The following CCNT1 variants were observed in gnomAD, a reference collection of about 807,000 sequenced individuals.
CCNT1 encodes cyclin T1, also known as cyclin-T1.
Under a neutral mutation model 67.3 loss-of-function variants are expected in CCNT1, and 18 were observed. The observed-to-expected ratio is 0.27, with a 90% CI of 0.18 to 0.40. CCNT1 has a LOEUF of 0.40. Among genes scored for constraint, CCNT1 ranks in the 10% least tolerant of loss-of-function variants. The pLI, the probability that CCNT1 is intolerant of heterozygous loss-of-function variation, is 1.00. For synonymous variants in CCNT1, 333 were observed against 310.3 expected, an observed-to-expected ratio of 1.07 and a Z score of -0.77; for missense variants, 744 against 884.9, an observed-to-expected ratio of 0.84 and a Z score of 2.02.
chr12:48,712,822 C>T (rs955534662), intron 2 of CCNT1, among the ~76,000 whole-genome samples: 3 of 151,744 alleles, frequency 2.0e-5, no homozygotes, highest in African/African-American at 7.3e-5. Flanking sequence ...TGCATGTAAT[C>T]CCAGCTACTT....
chr12:48,694,290 A>C lies in CCNT1; in HGVS notation c.924T>G (p.Ser308Arg), dbSNP rs538696433. 1.2e-6 allele frequency: 2 copies of C among 1,614,228 alleles called. No homozygotes were observed. The highest frequency in any genetic ancestry group is 1.7e-6 in the Non-Finnish European group (2 of 1,180,034). ...GLMSMSTSTT[S>R]AVPSLPVSEE... ...CGGAGACTGGCAGGGAAGGCACTGCACTTGTGGTAGAAGTTGACATGCTCA... is the reference window on the plus strand; with the variant it reads ...CGGAGACTGGCAGGGAAGGCACTGCCCTTGTGGTAGAAGTTGACATGCTCA... Residue 308 changes from serine (S) to arginine (R), a missense_variant, in exon 9 of 9, where the codon AGT becomes AGG. Around this residue, in one of 3 missense-constraint regions of CCNT1, gnomAD observed 564 missense variants for 574.2 expected, o/e 0.98. Coordinates refer to ENST00000261900, the MANE Select transcript of CCNT1 (RefSeq NM_001240.4).
chr12:48,703,222 G>T (rs1243446950), intron 3 of CCNT1, among the ~76,000 whole-genome samples: 1 of 151,812 alleles, frequency 6.6e-6, no homozygotes, highest in African/African-American at 2.4e-5. Context: ...AGACCATCCT[G>T]GCTACAATCT....
At position 48,694,028 on chromosome 12, in the gene CCNT1, G is replaced by A. The variant is rs770280428; in HGVS notation, c.1186C>T (p.His396Tyr). Residue 396 changes from histidine to tyrosine, a missense_variant, in exon 9 of 9, where the codon CAT becomes TAT. This residue lies in a region of CCNT1 where 564 missense variants were observed against 574.2 expected (regional missense o/e 0.98). Coordinates refer to ENST00000261900, the MANE Select transcript of CCNT1 (RefSeq NM_001240.4). ...KVSLKEYRAK[H>Y]AEELAAQKRQ... is the part of the protein sequence containing the mutation. ...TTCTGGGCAGCCAATTCTTCTGCAT[G>A]CTTCGCGCGGTATTCTTTCAGTGAC... 2 of 1,614,168 alleles carry A rather than the reference G, an allele frequency of 1.2e-6. No individual in the cohort carries two copies. The highest frequency in any genetic ancestry group is 1.7e-6 in the Non-Finnish European group (2 of 1,180,032).
chr12:48,711,381 A>AAAAT (rs999037715), intron 2 of CCNT1, among the ~76,000 whole-genome samples: 13 of 152,000 alleles, frequency 8.6e-5, no homozygotes, highest in Admixed American at 6.6e-5. Flanking sequence ...CTCCATCTCA[A>AAAAT]AAATAAATAA....
At position 48,689,251 on chromosome 12, in the gene CCNT1, A is replaced by G. The variant is rs1940034667; in HGVS notation, c.*3782T>C. 6.6e-6 allele frequency: 1 copy of G among 152,196 alleles called. No homozygotes were observed. Among genetic ancestry groups the G allele is most frequent in the Non-Finnish European group, 1.5e-5 (1 of 68,044 alleles). The allele number at this position is 152,196 out of a possible 1,614,324, so 9.4% of individuals were successfully genotyped here. A position where few individuals can be genotyped will look rare whatever the true frequency, so the allele number is the denominator to read the frequency against. ...CCTTTTCCAATGCCAAGTTCATATG[A>G]AAAACTTTAGAAACATTAAAATGGA... On this transcript the variant is annotated 3_prime_UTR_variant, in exon 9 of 9. Coordinates refer to ENST00000261900, the MANE Select transcript of CCNT1 (RefSeq NM_001240.4).
At chr12:48,700,654 T>C (rs1365300926) in intron 4 of CCNT1, among the ~76,000 whole-genome samples, 2 of 152,218 alleles carry the variant, frequency 1.3e-5, no homozygotes, top group Admixed American at 6.6e-5. Flanking sequence ...AAACACTAGT[T>C]ACCAATTTTA....
At chr12:48,696,239 TAAAAAAAAAAAAA>T (rs71080140) in intron 6 of CCNT1, 77 bp from the exon 7 acceptor site, 18 of 72,024 alleles carry the variant, frequency 2.5e-4, no homozygotes, top group South Asian at 2.5e-3. Context: ...CTCCATTATT[TAAAAAAAAAAAAA>T]AAAAAAAAAA....
Position 48,694,197 on chromosome 12 carries a change from A to C in CCNT1, c.1017T>G (p.Pro339=), listed in dbSNP as rs1158400997. The C allele has an allele frequency of 6.2e-7, 1 of 1,614,244 alleles. No individual in the cohort carries two copies. Among genetic ancestry groups the C allele is most frequent in the Non-Finnish European group, 8.5e-7 (1 of 1,180,042 alleles). ...CCTGAGTAGGTTCTAGTTTGAAAGA[A>C]GGTTGGGAGGACAGCCAACGCTTGC... ...LPGKRWLSSQ[P]SFKLEPTQGH... The change falls in exon 9 of 9, where the codon CCT becomes CCG. Residue 339 remains proline (P), a synonymous_variant. Transcript: ENST00000261900.
intron 3 of CCNT1, among the ~76,000 whole-genome samples, chr12:48,704,787 G>T (rs1028815891): frequency 6.6e-6 from 1 of 151,994 alleles, no homozygotes; most frequent in Non-Finnish European, 1.5e-5. Flanking sequence ...CCAGCCTGGC[G>T]ACAAGAGCAA....
Position 48,714,587 on chromosome 12 carries a change from T to C in CCNT1, c.162-63A>G, listed in dbSNP as rs2137247216. On this transcript the variant is annotated intron_variant, in intron 1 of 8. Coordinates refer to ENST00000261900, the MANE Select transcript of CCNT1 (RefSeq NM_001240.4). ...ATAATTCTGGAAAAGATAACCTCTA[T>C]CTCCCTCCCAAAAGGATGAAATGGC... 3.1e-6 allele frequency: 3 copies of C among 965,184 alleles called. No individual in the cohort carries two copies. The East Asian group carries it at 7.3e-5, about 24-fold the overall frequency. The allele number at this position is 965,184 out of a possible 1,614,324, so 59.8% of individuals were successfully genotyped here.
intron 2 of CCNT1, among the ~76,000 whole-genome samples, chr12:48,711,026 T>C: frequency 6.6e-6 from 1 of 151,358 alleles, no homozygotes; most frequent in East Asian, 2.0e-4. Context: ...GCGCAGCCAC[T>C]GCACTCCAGC....
At position 48,693,963 on chromosome 12, in the gene CCNT1, T is replaced by C. The variant is rs561483800; in HGVS notation, c.1251A>G (p.Gln417=). Residue 417 remains glutamine (Q), a synonymous_variant, in exon 9 of 9, where the codon CAA becomes CAG. Coordinates refer to ENST00000261900, the MANE Select transcript of CCNT1 (RefSeq NM_001240.4). ...LENMEANVKS[Q]YAYAAQNLLS... is the part of the protein sequence containing the mutation. ...GGAGATTCTGGGCAGCATATGCATA[T>C]TGTGACTTCACATTGGCTTCCATGT... The C allele has an allele frequency of 1.3e-4, 208 of 1,614,204 alleles. No individual in the cohort carries two copies. The highest frequency in any genetic ancestry group is 2.7e-4 in the African/African-American group (20 of 75,060).
intron 2 of CCNT1, among the ~76,000 whole-genome samples, chr12:48,711,169 C>T (rs1195949391): frequency 6.6e-6 from 1 of 151,910 alleles, no homozygotes; most frequent in African/African-American, 2.4e-5. Context: ...ATCATAAGGT[C>T]AACAGTTGAA....
Position 48,698,125 on chromosome 12 carries a change from T to A in CCNT1, c.542+13A>T, listed in dbSNP as rs746293510. The A allele has an allele frequency of 9.8e-6, 15 of 1,531,860 alleles. No homozygotes were observed. The highest frequency in any genetic ancestry group is 3.8e-5 in the South Asian group (3 of 78,794). 94.9% of individuals were successfully genotyped at this position (1,531,860 alleles called of 1,614,324 possible). ...ACCAAAAATCGAAGAGAAAAAAAAA[T>A]TAAAATATAAACCTGTTGGTTGCCA... On this transcript the variant is annotated intron_variant, in intron 6 of 8. Transcript: ENST00000261900.
chr12:48,692,713 T>G lies in CCNT1; in HGVS notation c.*320A>C. 1 of 221,460 alleles carries G rather than the reference T, an allele frequency of 4.5e-6. No individual in the cohort carries two copies. The allele number at this position is 221,460 out of a possible 1,614,324, so 13.7% of individuals were successfully genotyped here. On this transcript the variant is annotated 3_prime_UTR_variant, in exon 9 of 9. Coordinates refer to ENST00000261900, the MANE Select transcript of CCNT1 (RefSeq NM_001240.4). ...CAAGAAACCCTCCATTTTTCAGCTC[T>G]GGCAAGAAGAGGGAAGATATCAACT...
intron 2 of CCNT1, 22 bp downstream of exon 2, chr12:48,714,421 C>G: frequency 6.9e-7 from 1 of 1,449,460 alleles, no homozygotes; most frequent in Non-Finnish European, 9.7e-7. Context: ...AGGATTATAT[C>G]ATATAAAAAA....
chr12:48,710,834 G>A (rs1252546647), intron 2 of CCNT1, among the ~76,000 whole-genome samples: 1 of 152,178 alleles, frequency 6.6e-6, no homozygotes, highest in Non-Finnish European at 1.5e-5. Context: ...AGGCCAAGGC[G>A]GGTGGATCGT....
At chr12:48,712,628 T>A (rs1260075016) in intron 2 of CCNT1, among the ~76,000 whole-genome samples, 13 of 76,578 alleles carry the variant, frequency 1.7e-4, no homozygotes, top group South Asian at 8.4e-4. Context: ...AGCAGGGAAA[T>A]ACTTGACTCA....
In CCNT1 at chr12:48,716,610, G is replaced by A. The variant is rs1940537548; in HGVS notation, c.66C>T (p.Ser22=). ...GGTCCACGCCAAAACGACGGGATGG[G>A]CTATTTTCCAGCTGTTCTCGAGTGA... The part of the protein sequence containing the change: ...WYFTREQLEN[S]PSRRFGVDPD... Residue 22 remains serine, a synonymous_variant, in exon 1 of 9, where the codon AGC becomes AGT. Transcript: ENST00000261900. 1 of 1,614,184 alleles carries A rather than the reference G, an allele frequency of 6.2e-7. No individual in the cohort carries two copies. The highest frequency in any genetic ancestry group is 8.5e-7 in the Non-Finnish European group (1 of 1,179,982).
Sources: gnomAD v4.1 joint callset for allele counts (sites outside exome capture counted in the v4.1 genomes callset) on GRCh38, gnomAD v4.1.1 for gene constraint, gnomAD v4.1.1 regional missense constraint, MANE v1.5 for transcripts, NCBI Gene and HGNC (gene_info 2026-07-23, HGNC 2026-07-21) for gene names.